EPB41L5: variants seen among roughly 807,000 people sequenced by gnomAD.
EPB41L5 encodes band 4.1-like protein 5.
EPB41L5 carries 55 observed loss-of-function variants against 106.6 expected under a neutral mutation model. The observed-to-expected ratio is 0.52, with a 90% CI of 0.42 to 0.65. The LOEUF (loss-of-function observed/expected upper bound fraction) is 0.65, where lower values mean the gene tolerates loss of function less well. Ranked by LOEUF, EPB41L5 falls within the 30% of genes least tolerant of loss-of-function variation. The pLI is 0.00. For missense variants in EPB41L5, 871 were observed against 882.1 expected (o/e 0.99, Z 0.16); for synonymous variants, 297 against 306.7 (o/e 0.97, Z 0.33).
At chr2:120,064,530 G>A (rs1052773381) in intron 3 of EPB41L5, among the ~76,000 whole-genome samples, 17 of 152,162 alleles carry the variant, frequency 1.1e-4, no homozygotes, top group Non-Finnish European at 2.1e-4. Context: ...ACTTATGGCT[G>A]TTATGTTTGT....
intron 16 of EPB41L5, among the ~76,000 whole-genome samples, chr2:120,124,549 T>A (rs1158705677): frequency 6.6e-6 from 1 of 152,212 alleles, no homozygotes; most frequent in African/African-American, 2.4e-5. Context: ...CATTCCTATG[T>A]ACTTTTGCAT....
intron 10 of EPB41L5, among the ~76,000 whole-genome samples, chr2:120,085,295 G>A (rs556207533): frequency 6.6e-6 from 1 of 152,298 alleles, no homozygotes; most frequent in Non-Finnish European, 1.5e-5. Flanking sequence ...TACGGATGGG[G>A]TTTCGATGCG....
At chr2:120,115,862 T>C (rs570478979) in intron 16 of EPB41L5, among the ~76,000 whole-genome samples, 11 of 152,152 alleles carry the variant, frequency 7.2e-5, no homozygotes, top group Non-Finnish European at 1.6e-4. Flanking sequence ...CAGGCTGGAG[T>C]GCAGTGGCAC....
At chr2:120,082,575 G>A (rs1297552953) in intron 10 of EPB41L5, among the ~76,000 whole-genome samples, 5 of 151,952 alleles carry the variant, frequency 3.3e-5, no homozygotes, top group African/African-American at 1.2e-4. Context: ...CTCTTTTTTT[G>A]TTGTGTCTCT....
chr2:120,112,170 A>G (rs976319012), intron 16 of EPB41L5, among the ~76,000 whole-genome samples: 2 of 151,938 alleles, frequency 1.3e-5, no homozygotes, highest in African/African-American at 4.8e-5. Flanking sequence ...TGTCCTCTCT[A>G]TACAGATAGT....
intron 1 of EPB41L5, among the ~76,000 whole-genome samples, chr2:120,017,576 T>G (rs1161549854): frequency 6.6e-6 from 1 of 152,252 alleles, no homozygotes; most frequent in Non-Finnish European, 1.5e-5. Context: ...TTTTAAAACC[T>G]GTTTTAACTG....
At chr2:120,158,438 G>A (rs1208918233) in intron 20 of EPB41L5, among the ~76,000 whole-genome samples, 3 of 152,180 alleles carry the variant, frequency 2.0e-5, no homozygotes, top group African/African-American at 7.2e-5. Flanking sequence ...TTCAGCATAT[G>A]AAAATCAATA....
chr2:120,035,064 T>G (rs951954835), intron 2 of EPB41L5, among the ~76,000 whole-genome samples: 2 of 152,346 alleles, frequency 1.3e-5, no homozygotes, highest in Admixed American at 6.5e-5. Context: ...TTTGCATTTG[T>G]TGTAATTTCT....
In EPB41L5 at chr2:120,138,050, C is replaced by T. The variant is rs1686004699; in HGVS notation, c.1600-4953C>T. ...CCAGGATGTAATAAGGATGGGTTAG[C>T]ACATGTAAATCAATCAAGGGTGATA... On this transcript the variant is annotated intron_variant, in intron 18 of 24. Coordinates refer to ENST00000263713, the MANE Select transcript of EPB41L5 (RefSeq NM_020909.4). Among the ~76,000 whole-genome samples the T allele has an allele frequency of 3.9e-5, 6 of 151,922 alleles. No individual in the cohort carries two copies. The South Asian group carries it at 1.2e-3, about 31-fold the overall frequency.
intron 3 of EPB41L5, among the ~76,000 whole-genome samples, chr2:120,045,970 C>T (rs1344696958): frequency 6.6e-6 from 1 of 152,118 alleles, no homozygotes; most frequent in Non-Finnish European, 1.5e-5. Context: ...CATCCATGTT[C>T]CTACAAAGGA....
At position 120,061,221 on chromosome 2, in the gene EPB41L5, T is replaced by A. The variant is rs537008582; in HGVS notation, c.286-11957T>A. 5.0e-5 allele frequency among the ~76,000 whole-genome samples: 7 copies of A among 139,128 alleles called. No individual in the cohort carries two copies. The South Asian group carries it at 1.3e-3, about 26-fold the overall frequency. The allele number at this position is 139,128 out of a possible 152,430, so 91.3% of individuals were successfully genotyped here. On this transcript the variant is annotated intron_variant, in intron 3 of 24. Coordinates refer to ENST00000263713, the MANE Select transcript of EPB41L5 (RefSeq NM_020909.4). The stretch of plus-strand genomic sequence containing the variant: ...ATGCCTGGCTAATTTTTTGTATTTT[T>A]TTTTTTATTTTTTTTTTTTGAGACG...
At chr2:120,120,699 A>G (rs1373442396) in intron 16 of EPB41L5, among the ~76,000 whole-genome samples, 1 of 152,196 alleles carries the variant, frequency 6.6e-6, no homozygotes, top group Non-Finnish European at 1.5e-5. Context: ...AGGTCTTCAT[A>G]TGGTATTGTT....
chr2:120,024,444 G>T (rs1678168064), intron 2 of EPB41L5, among the ~76,000 whole-genome samples: 6 of 152,022 alleles, frequency 3.9e-5, no homozygotes. Flanking sequence ...TAATCATGTG[G>T]TTTTTTGTGT....
chr2:120,029,224 A>T (rs1438920392), intron 2 of EPB41L5, among the ~76,000 whole-genome samples: 2 of 152,016 alleles, frequency 1.3e-5, no homozygotes, highest in Non-Finnish European at 1.5e-5. Context: ...GAGTGCAGTG[A>T]CATGATCTTG....
chr2:120,129,949 C>T (rs2105467488), intron 17 of EPB41L5, among the ~76,000 whole-genome samples: 1 of 152,274 alleles, frequency 6.6e-6, no homozygotes, highest in Middle Eastern at 3.4e-3. Flanking sequence ...AGTTCGAGAC[C>T]AGCCTGGCCA....
At chr2:120,097,608 C>T (rs1211911682) in intron 14 of EPB41L5, among the ~76,000 whole-genome samples, 6 of 152,004 alleles carry the variant, frequency 3.9e-5, no homozygotes, top group Non-Finnish European at 8.8e-5. Flanking sequence ...ATTACTAGTA[C>T]TTCTTATACA....
At chr2:120,092,006 A>ATTTT (rs1451982551) in intron 13 of EPB41L5, among the ~76,000 whole-genome samples, 10 of 103,300 alleles carry the variant, frequency 9.7e-5, no homozygotes, top group African/African-American at 3.9e-4. Flanking sequence ...TTTTAAAAAC[A>ATTTT]TTTTTATTTA....
chr2:120,159,806 G>A (rs1001948162), intron 20 of EPB41L5, among the ~76,000 whole-genome samples: 1 of 152,150 alleles, frequency 6.6e-6, no homozygotes, highest in African/African-American at 2.4e-5. Context: ...ATGGAGAAAG[G>A]CTTCCCTATT....
intron 14 of EPB41L5, among the ~76,000 whole-genome samples, chr2:120,093,663 T>C (rs1419830116): frequency 2.6e-5 from 4 of 152,240 alleles, no homozygotes; most frequent in Non-Finnish European, 5.9e-5. Context: ...AGACCTTCTT[T>C]ATGTTATATG....
Sources: allele counts gnomAD v4.1 joint callset (sites outside exome capture counted in the v4.1 genomes callset), GRCh38; gene constraint gnomAD v4.1.1; transcripts MANE v1.5; gene names NCBI Gene and HGNC (gene_info 2026-07-23, HGNC 2026-07-21).